The following CEP170 variants were observed in gnomAD, a reference collection of about 807,000 sequenced individuals.
CEP170 encodes the protein centrosomal protein 170.
CEP170 carries 21 observed loss-of-function variants against 151.9 expected under a neutral mutation model. That is an observed-to-expected ratio of 0.14 (90% CI 0.10 to 0.20). CEP170 has a LOEUF of 0.20. CEP170 is among the 10% of genes least tolerant of loss of function. The probability of loss-of-function intolerance (pLI) is 1.00; values close to 1 mark genes in which losing one functional copy is unlikely to be tolerated. For synonymous variants in CEP170, 356 were observed against 648.8 expected (o/e 0.55, Z 6.86); for missense variants, 964 against 1,892.9 (o/e 0.51, Z 9.11).
chr1:243,231,056 T>C (rs949972640), intron 1 of CEP170, among the ~76,000 whole-genome samples: 72 of 150,680 alleles, frequency 4.8e-4, no homozygotes, highest in African/African-American at 1.7e-3. Flanking sequence ...TCTCAGAAAC[T>C]ATGGAGACTA....
chr1:243,203,023 T>C (rs1420498179), intron 4 of CEP170, among the ~76,000 whole-genome samples: 2 of 152,126 alleles, frequency 1.3e-5, no homozygotes, highest in Admixed American at 6.6e-5. Context: ...TCAAACATTT[T>C]ACCTTCCAAA....
At chr1:243,204,486 TCTTA>T (rs1029168487) in intron 4 of CEP170, among the ~76,000 whole-genome samples, 17 of 152,336 alleles carry the variant, frequency 1.1e-4, no homozygotes, top group African/African-American at 3.1e-4. Flanking sequence ...GGTACTGGGT[TCTTA>T]CTTATGATGA....
intron 10 of CEP170, among the ~76,000 whole-genome samples, chr1:243,174,321 G>C (rs543531955): frequency 6.6e-6 from 1 of 150,916 alleles, no homozygotes; most frequent in Admixed American, 6.6e-5. Context: ...ATTGTTTGTG[G>C]CTCTGATTAT....
intron 4 of CEP170, among the ~76,000 whole-genome samples, chr1:243,206,338 T>C (rs2061420171): frequency 6.6e-6 from 1 of 151,090 alleles, no homozygotes; most frequent in South Asian, 2.1e-4. Context: ...TTCCCCATGT[T>C]TGCGAGGCTG....
chr1:243,218,132 C>G (rs1473915035), intron 3 of CEP170, among the ~76,000 whole-genome samples: 1 of 152,254 alleles, frequency 6.6e-6, no homozygotes, highest in Non-Finnish European at 1.5e-5. Context: ...ACCTCAATCT[C>G]TCTGCCAGCT....
In CEP170 at chr1:243,126,496, T is replaced by A. The variant is rs747337446; in HGVS notation, c.4708A>T (p.Arg1570Ter). ...SEADFSIHFN[R>*]FNPDGEEEDV... ...TCCTCTTCCCCATCGGGGTTGAATC[T>A]ATTGAAATGTATACTGAAATCAGCC... Residue 1570 changes from arginine (R) to a stop codon, truncating the protein, a stop_gained, in exon 20 of 20, where the codon AGA becomes TGA. Coordinates refer to ENST00000366542, the MANE Select transcript of CEP170 (RefSeq NM_014812.3). LOFTEE classifies it high-confidence loss of function. The A allele has an allele frequency of 6.2e-7, 1 of 1,609,568 alleles. No homozygotes were observed. The highest frequency in any genetic ancestry group is 8.5e-7 in the Non-Finnish European group (1 of 1,177,692).
intron 1 of CEP170, among the ~76,000 whole-genome samples, chr1:243,228,799 AT>A (rs1475137347): frequency 6.6e-6 from 1 of 151,982 alleles, no homozygotes; most frequent in Non-Finnish European, 1.5e-5. Flanking sequence ...TAAACATACA[AT>A]AATTATACAG....
At chr1:243,231,303 CA>C (rs2063743286) in intron 1 of CEP170, among the ~76,000 whole-genome samples, 1 of 149,922 alleles carries the variant, frequency 6.7e-6, no homozygotes, top group Admixed American at 6.7e-5. Flanking sequence ...CAGTGCCCTA[CA>C]AAAAATGTGA....
In CEP170 at chr1:243,208,126, C is replaced by T. The variant is rs552269005; in HGVS notation, c.274+3760G>A. ...ATCCTTGACTCTTTCTCTTACTCTA[C>T]ATCCAGTCTAATCAGAAAACTTTAT... On this transcript the variant is annotated intron_variant, in intron 4 of 19. Coordinates refer to ENST00000366542, the MANE Select transcript of CEP170 (RefSeq NM_014812.3). Among the ~76,000 whole-genome samples, 387 of 152,156 alleles carry T rather than the reference C, an allele frequency of 2.5e-3. 1 individual carries two copies. Among genetic ancestry groups the T allele is most frequent in the African/African-American group, 8.8e-3 (364 of 41,530 alleles).
chr1:243,234,496 T>A (rs1200479407), intron 1 of CEP170, among the ~76,000 whole-genome samples: 2 of 152,154 alleles, frequency 1.3e-5, no homozygotes, highest in African/African-American at 4.8e-5. Flanking sequence ...CTTACAAAAT[T>A]GTAATCTGAA....
At chr1:243,248,608 G>A (rs889798099) in intron 1 of CEP170, among the ~76,000 whole-genome samples, 1 of 152,166 alleles carries the variant, frequency 6.6e-6, no homozygotes, top group African/African-American at 2.4e-5. Flanking sequence ...TCTAAAGCCA[G>A]AAACTAGTAA....
chr1:243,177,136 G>A (rs1426283808), intron 10 of CEP170, among the ~76,000 whole-genome samples: 3 of 152,154 alleles, frequency 2.0e-5, no homozygotes, highest in Non-Finnish European at 4.4e-5. Context: ...TTTGCAGAGA[G>A]GTCAAAATTT....
chr1:243,180,156 T>C (rs2059531051), intron 10 of CEP170, among the ~76,000 whole-genome samples: 1 of 152,190 alleles, frequency 6.6e-6, no homozygotes, highest in African/African-American at 2.4e-5. Flanking sequence ...ATAAAATGAA[T>C]TATGAGAAGC....
intron 1 of CEP170, among the ~76,000 whole-genome samples, chr1:243,238,849 C>T (rs1263211109): frequency 6.6e-6 from 1 of 152,180 alleles, no homozygotes; most frequent in African/African-American, 2.4e-5. Flanking sequence ...CTAATGATCT[C>T]TAGTATTGCT....
At chr1:243,217,252 C>T (rs1195851504) in intron 3 of CEP170, among the ~76,000 whole-genome samples, 44 of 152,000 alleles carry the variant, frequency 2.9e-4, no homozygotes, top group Non-Finnish European at 5.9e-5. Context: ...GAAAATGATG[C>T]AAAAGAATGA....
chr1:243,136,570 A>G (rs1454964681), intron 16 of CEP170, among the ~76,000 whole-genome samples: 2 of 152,260 alleles, frequency 1.3e-5, no homozygotes, highest in Non-Finnish European at 2.9e-5. Flanking sequence ...AAAAGAGAAG[A>G]TACAAATAAC....
chr1:243,231,573 T>C (rs1018878673), intron 1 of CEP170, among the ~76,000 whole-genome samples: 1 of 152,158 alleles, frequency 6.6e-6, no homozygotes, highest in African/African-American at 2.4e-5. Context: ...AATGGAGATG[T>C]GCACAAGCAA....
intron 16 of CEP170, among the ~76,000 whole-genome samples, chr1:243,136,686 A>G (rs895185309): frequency 3.3e-5 from 5 of 152,260 alleles, no homozygotes; most frequent in African/African-American, 7.2e-5. Flanking sequence ...TGGGAAAGAT[A>G]CATTTTGAAA....
chr1:243,191,374 G>T lies in CEP170; in HGVS notation c.752C>A (p.Pro251Gln). 2 of 1,603,006 alleles carry T rather than the reference G, an allele frequency of 1.2e-6. No homozygotes were observed. The highest frequency in any genetic ancestry group is 1.7e-6 in the Non-Finnish European group (2 of 1,174,360). The change falls in exon 8 of 20, where the codon CCA (proline) becomes CAA (glutamine). Residue 251 changes from proline to glutamine, a missense_variant. Physicochemically the swap from Pro to Gln is moderately conservative, Grantham distance 76. Coordinates refer to ENST00000366542, the MANE Select transcript of CEP170 (RefSeq NM_014812.3). ...FEIPTKEFQQ[P>Q]SQITESTIHE... ...AATAGTGCTTTCTGTTATTTGTGAT[G>T]GTTGCTGGAATTCTTTTGTAGGGAT...
Sources: gnomAD v4.1 joint callset for allele counts (sites outside exome capture counted in the v4.1 genomes callset) on GRCh38, gnomAD v4.1.1 for gene constraint, MANE v1.5 for transcripts, NCBI Gene and HGNC (gene_info 2026-07-23, HGNC 2026-07-21) for gene names.